GNAO1: variants seen among roughly 807,000 people sequenced by gnomAD.
The protein encoded by GNAO1 is guanine nucleotide-binding protein G(o) subunit alpha.
For synonymous variants in GNAO1, 164 were observed against 180.7 expected (o/e 0.91, Z 0.74); for missense variants, 166 against 478.7 (o/e 0.35, Z 6.10).
At chr16:56,344,683 T>C (rs768411075) in intron 6 of GNAO1, 4 of 985,016 alleles carry the variant, frequency 4.1e-6, no homozygotes, top group Non-Finnish European at 4.8e-6. Context: ...GGAAGGGAGG[T>C]GGAAGCTCCT....
intron 3 of GNAO1, among the ~76,000 whole-genome samples, chr16:56,319,627 G>T (rs890033134): frequency 1.3e-5 from 2 of 152,248 alleles, no homozygotes; most frequent in Admixed American, 6.5e-5. Context: ...GTGACCAGCC[G>T]CCAGCAGCAC....
At chr16:56,321,338 C>T (rs991718773) in intron 3 of GNAO1, among the ~76,000 whole-genome samples, 4 of 152,178 alleles carry the variant, frequency 2.6e-5, no homozygotes, top group Non-Finnish European at 5.9e-5. Context: ...TGGATCCAGG[C>T]GTTGACATAT....
rs1473661107 is a variant in GNAO1, at chr16:56,328,863, A to T, written c.464+72A>T. The T allele has an allele frequency of 3.1e-5, 46 of 1,485,892 alleles. No individual in the cohort carries two copies. In the Middle Eastern group the frequency reaches 1.4e-3, roughly 45 times the overall value. 92.0% of individuals were successfully genotyped at this position (1,485,892 alleles called of 1,614,324 possible). A position where few individuals can be genotyped will look rare whatever the true frequency, so the allele number is the denominator to read the frequency against. ...GGAGTGGAAGGGACTGGTGATGGGG[A>T]TTGGCAGAGCAAGGAGGATTCTCGG... On this transcript the variant is annotated intron_variant, in intron 4 of 8. Coordinates refer to ENST00000262493, the MANE Select transcript of GNAO1 (RefSeq NM_020988.3).
At chr16:56,328,602 C>T in intron 3 of GNAO1, 29 bp from the exon 4 acceptor site, 1 of 1,608,610 alleles carries the variant, frequency 6.2e-7, no homozygotes, top group Non-Finnish European at 8.5e-7. Flanking sequence ...ACCAAAGCGT[C>T]AAAGCCCACC....
At chr16:56,245,968 TA>T (rs1421847271) in intron 2 of GNAO1, among the ~76,000 whole-genome samples, 1 of 152,184 alleles carries the variant, frequency 6.6e-6, no homozygotes, top group Non-Finnish European at 1.5e-5. Context: ...ACTCGGATCT[TA>T]ATGTTTCCAG....
At chr16:56,318,369 T>C (rs1365626664) in intron 3 of GNAO1, among the ~76,000 whole-genome samples, 1 of 152,184 alleles carries the variant, frequency 6.6e-6, no homozygotes, top group South Asian at 2.1e-4. Context: ...CCCCTTCGCG[T>C]TGAAGAGCAA....
At chr16:56,319,703 C>A (rs759878990) in intron 3 of GNAO1, among the ~76,000 whole-genome samples, 12 of 152,116 alleles carry the variant, frequency 7.9e-5, no homozygotes, top group Admixed American at 7.9e-4. Context: ...AATGCCAGTT[C>A]CGGAGCATCA....
chr16:56,346,509 C>T, intron 6 of GNAO1: 1 of 985,444 alleles, frequency 1.0e-6, no homozygotes, highest in Non-Finnish European at 1.2e-6. Flanking sequence ...CGCCGCTGAC[C>T]ATCCTAAGAA....
chr16:56,259,619 T>G (rs1468774755), intron 2 of GNAO1, among the ~76,000 whole-genome samples: 1 of 152,224 alleles, frequency 6.6e-6, no homozygotes, highest in Non-Finnish European at 1.5e-5. Context: ...GCATCCATTG[T>G]TCATTCCTTC....
intron 2 of GNAO1, among the ~76,000 whole-genome samples, chr16:56,214,745 C>G (rs1481946144): frequency 6.6e-6 from 1 of 152,194 alleles, no homozygotes; most frequent in African/African-American, 2.4e-5. Flanking sequence ...CAGTAGCTGT[C>G]CCTCTGTCCC....
Position 56,192,131 on chromosome 16 carries a change from TC to T in GNAO1, c.-99del. 1.1e-5 allele frequency: 7 copies of T among 654,458 alleles called. No homozygotes were observed. Among genetic ancestry groups the T allele is most frequent in the South Asian group, 7.0e-5 (4 of 57,220 alleles). The allele number at this position is 654,458 out of a possible 1,614,324, so 40.5% of individuals were successfully genotyped here. A position where few individuals can be genotyped will look rare whatever the true frequency, so the allele number is the denominator to read the frequency against. ...AGCCCAGGAGAGGATATCGTGATTT[TC>T]CCCCCTTGAGCCCAGGCTCTGCTCT... On this transcript the variant is annotated 5_prime_UTR_variant, in exon 1 of 9. Transcript: ENST00000262493.
intron 2 of GNAO1, among the ~76,000 whole-genome samples, chr16:56,218,809 A>G (rs2036458413): frequency 6.6e-6 from 1 of 152,082 alleles, no homozygotes; most frequent in African/African-American, 2.4e-5. Flanking sequence ...GCTTGGCCAA[A>G]GGCTACTCAC....
chr16:56,265,420 G>T (rs543405473), intron 2 of GNAO1, among the ~76,000 whole-genome samples: 1 of 152,334 alleles, frequency 6.6e-6, no homozygotes, highest in African/African-American at 2.4e-5. Context: ...CCAGTGCCTG[G>T]AATGAAGAAA....
intron 3 of GNAO1, among the ~76,000 whole-genome samples, chr16:56,279,547 G>A (rs577766925): frequency 2.6e-5 from 4 of 152,072 alleles, no homozygotes; most frequent in Non-Finnish European, 4.4e-5. Flanking sequence ...CCTCTTCCAC[G>A]TGGAACTGCC....
At chr16:56,237,381 G>T (rs1352412350) in intron 2 of GNAO1, among the ~76,000 whole-genome samples, 2 of 152,148 alleles carry the variant, frequency 1.3e-5, no homozygotes, top group African/African-American at 4.8e-5. Flanking sequence ...TCTTGTAGGG[G>T]AGACAGACAT....
At chr16:56,204,791 A>T (rs1396806257) in intron 2 of GNAO1, among the ~76,000 whole-genome samples, 1 of 152,188 alleles carries the variant, frequency 6.6e-6, no homozygotes, top group African/African-American at 2.4e-5. Flanking sequence ...TCAAGAACCC[A>T]AGTTCTCATC....
chr16:56,325,905 A>T (rs1302506080), intron 3 of GNAO1, among the ~76,000 whole-genome samples: 1 of 152,146 alleles, frequency 6.6e-6, no homozygotes, highest in Non-Finnish European at 1.5e-5. Context: ...CAGTGATACT[A>T]GCGACTCTGG....
chr16:56,266,390 A>G (rs577173694), intron 2 of GNAO1, among the ~76,000 whole-genome samples: 4 of 152,334 alleles, frequency 2.6e-5, no homozygotes, highest in African/African-American at 9.6e-5. Context: ...AGGGGCCTCT[A>G]CACTCTTGGA....
chr16:56,247,461 G>A (rs1192863707), intron 2 of GNAO1, among the ~76,000 whole-genome samples: 1 of 142,398 alleles, frequency 7.0e-6, no homozygotes, highest in African/African-American at 2.6e-5. Flanking sequence ...CTGACATTTT[G>A]CTACCTTTTA....
Sources: gnomAD v4.1 joint callset for allele counts (sites outside exome capture counted in the v4.1 genomes callset) on GRCh38, gnomAD v4.1.1 for gene constraint, MANE v1.5 for transcripts, NCBI Gene and HGNC (gene_info 2026-07-23, HGNC 2026-07-21) for gene names.